C5: variants seen among roughly 807,000 people sequenced by gnomAD.
C5 encodes the protein C3 and PZP-like alpha-2-macroglobulin domain-containing protein 4.
In C5, 140 loss-of-function variants were observed where a neutral mutation model predicts 218.8. The observed-to-expected ratio is 0.64, with a 90% CI of 0.56 to 0.74. The LOEUF is 0.74. Ranked by LOEUF, C5 falls within the 30% of genes least tolerant of loss-of-function variation. The pLI, the probability that C5 is intolerant of heterozygous loss-of-function variation, is 0.00. For synonymous variants in C5, 614 were observed against 682.3 expected, an observed-to-expected ratio of 0.90 and a Z score of 1.56; for missense variants, 1,700 against 1,969.6, an observed-to-expected ratio of 0.86 and a Z score of 2.59.
At chr9:121,068,469 A>T in the C5 span, among the ~76,000 whole-genome samples, 1 of 152,208 alleles carries the variant, frequency 6.6e-6, no homozygotes, top group African/African-American at 2.4e-5. Flanking sequence ...CTGATGGAAG[A>T]AATTGAAGAG....
At chr9:121,053,490 C>T (rs1034592338), upstream of C5, among the ~76,000 whole-genome samples, 3 of 152,054 alleles carry the variant, frequency 2.0e-5, no homozygotes, top group Admixed American at 1.3e-4. Context: ...TAGAACCCCC[C>T]CCGAGATAGT....
the C5 span, among the ~76,000 whole-genome samples, chr9:121,073,814 AG>A: frequency 7.2e-5 from 11 of 152,156 alleles, no homozygotes; most frequent in African/African-American, 2.6e-4. Context: ...GCGCCCGGCC[AG>A]GATTCACTTT....
the C5 span, among the ~76,000 whole-genome samples, chr9:121,062,777 T>C: frequency 3.3e-4 from 50 of 152,320 alleles, no homozygotes; most frequent in Non-Finnish European, 5.7e-4. Flanking sequence ...TTTCAGCACT[T>C]TGAATATATC....
chr9:120,987,760 A>G (rs2131707818), intron 25 of C5, among the ~76,000 whole-genome samples: 1 of 152,208 alleles, frequency 6.6e-6, no homozygotes, highest in East Asian at 1.9e-4. Flanking sequence ...TTTTTATTAA[A>G]TATTTTGTCA....
At chr9:121,061,626 T>C in the C5 span, among the ~76,000 whole-genome samples, 1 of 152,240 alleles carries the variant, frequency 6.6e-6, no homozygotes, top group South Asian at 2.1e-4. Context: ...TTTAACATCA[T>C]TGTAAATAAA....
chr9:120,966,879 A>G lies in C5; in HGVS notation c.4220+2182T>C, dbSNP rs543664225. On this transcript the variant is annotated intron_variant, in intron 33 of 40. Transcript: ENST00000223642. The stretch of plus-strand genomic sequence containing the variant: ...AGAAGCGATTGGGCTTGGGACATAG[A>G]GAAGACTGGGAAACAGCTGGGAGGG... 4.7e-4 allele frequency among the ~76,000 whole-genome samples: 71 copies of G among 152,224 alleles called. 3 individuals are homozygous for G. In the South Asian group the frequency reaches 0.015, roughly 31 times the overall value.
rs776036557 is a variant in C5 at position 120,997,733 on chromosome 9, C to T, written c.2604G>A (p.Ser868=). Residue 868 remains serine, a synonymous_variant, in exon 21 of 41, where the codon TCG becomes TCA. Coordinates refer to ENST00000223642, the MANE Select transcript of C5 (RefSeq NM_001735.3). ...KMSAVEGICT[S]ESPVIDHQGT... is the part of the protein sequence containing the mutation. ...CCTGATGATCAATGACTGGGCTTTCCGAAGTGCAGATTCCCTCCACAGCAG... is the reference window on the plus strand; with the variant it reads ...CCTGATGATCAATGACTGGGCTTTCTGAAGTGCAGATTCCCTCCACAGCAG... 5.6e-6 allele frequency: 9 copies of T among 1,613,902 alleles called. No individual in the cohort carries two copies. The highest frequency in any genetic ancestry group is 3.3e-5 in the Admixed American group (2 of 59,984).
chr9:121,059,285 A>T, the C5 span, among the ~76,000 whole-genome samples: 6 of 152,226 alleles, frequency 3.9e-5, no homozygotes, highest in Non-Finnish European at 8.8e-5. The surrounding 1 kb of genome is among the most constrained non-coding windows in gnomAD (Gnocchi z 4.1). Flanking sequence ...TCCAGTGTTA[A>T]TAATGGAATT....
chr9:120,953,808 T>G lies in C5; in HGVS notation c.4823A>C (p.Asn1608Thr), dbSNP rs1588161686. 1.9e-6 allele frequency: 3 copies of G among 1,613,832 alleles called. No homozygotes were observed. Among genetic ancestry groups the G allele is most frequent in the Non-Finnish European group, 2.5e-6 (3 of 1,179,694 alleles). Residue 1608 changes from asparagine to threonine, a missense_variant, in exon 40 of 41, where the codon AAC becomes ACC. Transcript: ENST00000223642. ...ITFIKKVTCT[N>T]AELVKGRQYL... ...CTGTCTTCCTTTTACCAGCTCAGCG[T>G]TAGTACAGGTTACCTTTTTAATGAA...
At chr9:120,959,612 G>GCT (rs145550649) in intron 38 of C5, among the ~76,000 whole-genome samples, 3 of 151,584 alleles carry the variant, frequency 2.0e-5, no homozygotes, top group East Asian at 3.9e-4. Flanking sequence ...TGTACAATAT[G>GCT]CTCTCTCTCT....
chr9:120,954,939 G>A (rs987916168), intron 39 of C5, among the ~76,000 whole-genome samples: 9 of 152,202 alleles, frequency 5.9e-5, no homozygotes, highest in Non-Finnish European at 1.0e-4. Flanking sequence ...AGTAAGCAGT[G>A]TAGCTGTGTG....
At chr9:121,071,767 T>A in the C5 span, among the ~76,000 whole-genome samples, 3 of 152,186 alleles carry the variant, frequency 2.0e-5, no homozygotes, top group Admixed American at 1.3e-4. Context: ...TCTGACAAAC[T>A]AGTCTGTTTC....
intron 6 of C5, among the ~76,000 whole-genome samples, chr9:121,031,070 A>G (rs1171912319): frequency 6.6e-6 from 1 of 152,022 alleles, no homozygotes; most frequent in Non-Finnish European, 1.5e-5. Flanking sequence ...ATCATAACGA[A>G]TTTGTTTTGT....
chr9:120,952,950 G>T, intron 40 of C5, 82 bp from the exon 41 acceptor site: 1 of 1,471,390 alleles, frequency 6.8e-7, no homozygotes, highest in Non-Finnish European at 9.3e-7. Flanking sequence ...TTGAGACGGA[G>T]TCTTGCTCAG....
chr9:121,012,073 A>G (rs1489455694), intron 17 of C5, among the ~76,000 whole-genome samples: 1 of 152,216 alleles, frequency 6.6e-6, no homozygotes, highest in African/African-American at 2.4e-5. Flanking sequence ...ACTACAGTCA[A>G]TAATAATTTA....
At chr9:121,018,646 G>GGAAAGAAAGAAAGAAAA (rs58742970) in intron 12 of C5, among the ~76,000 whole-genome samples, 40,854 of 73,316 alleles carry the variant, frequency 0.56, 14,046 homozygotes, top group East Asian at 0.75. Flanking sequence ...AGGGAGGGAG[G>GGAAAGAAAGAAAGAAAA]GAAAGAAAGA....
the C5 span, among the ~76,000 whole-genome samples, chr9:121,074,344 G>C: frequency 5.9e-5 from 9 of 152,356 alleles, no homozygotes; most frequent in East Asian, 1.3e-3. Context: ...TGAAGCCTGT[G>C]CAAGTGCTTC....
chr9:121,059,110 A>C, the C5 span, among the ~76,000 whole-genome samples: 1 of 152,262 alleles, frequency 6.6e-6, no homozygotes, highest in Non-Finnish European at 1.5e-5. The surrounding 1 kb of genome is among the most constrained non-coding windows in gnomAD (Gnocchi z 4.1). Flanking sequence ...TGGGAAAAAT[A>C]GAGAAGGAAG....
At chr9:121,067,372 T>C in the C5 span, among the ~76,000 whole-genome samples, 3 of 151,700 alleles carry the variant, frequency 2.0e-5, no homozygotes, top group African/African-American at 7.3e-5. Context: ...ACCATCCTGA[T>C]GAACATGGTG....
Sources: gnomAD v4.1 joint callset for allele counts (sites outside exome capture counted in the v4.1 genomes callset) on GRCh38, gnomAD v4.1.1 for gene constraint, Gnocchi (gnomAD v3.1) non-coding constraint, MANE v1.5 for transcripts, NCBI Gene and HGNC (gene_info 2026-07-23, HGNC 2026-07-21) for gene names.